The following PIEZO2 variants were observed in gnomAD, a reference collection of about 807,000 sequenced individuals.
PIEZO2 encodes the protein piezo-type mechanosensitive ion channel component 2.
PIEZO2 carries 172 observed loss-of-function variants against 337.3 expected under a neutral mutation model. The observed-to-expected ratio is 0.51, with a 90% CI of 0.45 to 0.58. The LOEUF (loss-of-function observed/expected upper bound fraction) is 0.58, where lower values mean the gene tolerates loss of function less well. Ranked by LOEUF, PIEZO2 falls within the 20% of genes least tolerant of loss-of-function variation. The probability of loss-of-function intolerance (pLI) is 0.00; values close to 1 mark genes in which losing one functional copy is unlikely to be tolerated. For synonymous variants in PIEZO2, 1,251 were observed against 1,228.5 expected (o/e 1.02, Z -0.38); for missense variants, 3,028 against 3,391.3 (o/e 0.89, Z 2.66).
Position 11,048,114 on chromosome 18 carries a change from C to A in PIEZO2, c.160+18013G>T, listed in dbSNP as rs902325981. On this transcript the variant is annotated intron_variant, in intron 2 of 55. Transcript: ENST00000674853. This position sits in a 1 kb window ranked among gnomAD's most constrained non-coding sequence, Gnocchi z 4.5. ...CCACTGCCACCAACAGCATGTGACACCTCTTCAAGCCTGAAAGCCCCTGCT... is the reference window on the plus strand; with the variant it reads ...CCACTGCCACCAACAGCATGTGACAACTCTTCAAGCCTGAAAGCCCCTGCT... Among the ~76,000 whole-genome samples, 1 of 152,212 alleles carries A rather than the reference C, an allele frequency of 6.6e-6. No individual in the cohort carries two copies. Among genetic ancestry groups the A allele is most frequent in the Admixed American group, 6.5e-5 (1 of 15,286 alleles).
At chr18:10,722,231 CTT>C (rs546174129) in intron 36 of PIEZO2, among the ~76,000 whole-genome samples, 2 of 140,948 alleles carry the variant, frequency 1.4e-5, no homozygotes, top group African/African-American at 2.6e-5. Flanking sequence ...GGAGGAGAGA[CTT>C]TTTTTTTTTT....
At chr18:11,100,167 T>C (rs1307258889) in intron 1 of PIEZO2, among the ~76,000 whole-genome samples, 16 of 152,362 alleles carry the variant, frequency 1.1e-4, no homozygotes, top group Non-Finnish European at 7.3e-5. Flanking sequence ...TGCAATGCTC[T>C]GTAGGGTAGA....
intron 43 of PIEZO2, among the ~76,000 whole-genome samples, chr18:10,699,551 C>T (rs532942488): frequency 3.3e-5 from 5 of 152,146 alleles, no homozygotes; most frequent in South Asian, 2.1e-4. Flanking sequence ...CCTCCCCAGC[C>T]GTGTGGAACT....
chr18:11,110,576 C>T lies in PIEZO2; in HGVS notation c.64+37949G>A, dbSNP rs961109970. ...CGGGGGAGTGGGAGCTGCCACATAA[C>T]GGTTCCTTCAGAGGTGGACGGTGGT... is the stretch of plus-strand genomic sequence containing the variant. On this transcript the variant is annotated intron_variant, in intron 1 of 55. Transcript: ENST00000674853. The surrounding 1 kb of genome is among the most constrained non-coding windows in gnomAD (Gnocchi z 4.2). 6.6e-5 allele frequency among the ~76,000 whole-genome samples: 10 copies of T among 152,186 alleles called. No homozygotes were observed. The highest frequency in any genetic ancestry group is 1.3e-4 in the Non-Finnish European group (9 of 68,028).
intron 7 of PIEZO2, among the ~76,000 whole-genome samples, chr18:10,809,202 C>A (rs1393471246): frequency 7.0e-6 from 1 of 142,972 alleles, no homozygotes; most frequent in Non-Finnish European, 1.5e-5. Flanking sequence ...CCTACAGGAA[C>A]GTTTTTTAAT....
intron 3 of PIEZO2, among the ~76,000 whole-genome samples, chr18:10,936,680 G>C (rs985837475): frequency 3.3e-5 from 5 of 152,212 alleles, no homozygotes; most frequent in Admixed American, 1.3e-4. Context: ...GAAGGAAACA[G>C]TCAGATGTCA....
intron 2 of PIEZO2, among the ~76,000 whole-genome samples, chr18:10,983,794 C>A (rs2034763761): frequency 6.6e-6 from 1 of 152,152 alleles, no homozygotes; most frequent in Non-Finnish European, 1.5e-5. Flanking sequence ...AGATAGCACA[C>A]AGATCTCAAC....
Position 10,713,518 on chromosome 18 carries a change from C to T in PIEZO2, c.5423+1246G>A, listed in dbSNP as rs554105970. Reference sequence around the variant, plus strand: ...ATACTTTTCCAGGTCATTAGTGCCTCGCTCTAAAGTGTGACTCTAAAGCCA... The same window carrying T: ...ATACTTTTCCAGGTCATTAGTGCCTTGCTCTAAAGTGTGACTCTAAAGCCA... On this transcript the variant is annotated intron_variant, in intron 39 of 55. Transcript: ENST00000674853. This position sits in a 1 kb window ranked among gnomAD's most constrained non-coding sequence, Gnocchi z 4.5. 9.0e-4 allele frequency among the ~76,000 whole-genome samples: 137 copies of T among 152,238 alleles called. 1 individual carries two copies. The Middle Eastern group carries it at 0.01, about 11-fold the overall frequency.
At chr18:11,041,678 C>T (rs1399370652) in intron 2 of PIEZO2, among the ~76,000 whole-genome samples, 1 of 152,062 alleles carries the variant, frequency 6.6e-6, no homozygotes, top group Non-Finnish European at 1.5e-5. Context: ...TATGGTTCTT[C>T]TTAATGTAAA....
At chr18:10,715,017 A>T in intron 38 of PIEZO2, 87 bp from the exon 39 acceptor site, 1 of 1,295,442 alleles carries the variant, frequency 7.7e-7, no homozygotes, top group Non-Finnish European at 1.1e-6. Context: ...ACAGCTTTTC[A>T]TACCCATGCA....
rs1233951213 is a variant in PIEZO2, at chr18:11,021,105, G to A, written c.161-41445C>T. Among the ~76,000 whole-genome samples the A allele has an allele frequency of 1.3e-5, 2 of 152,108 alleles. No individual in the cohort carries two copies. Among genetic ancestry groups the A allele is most frequent in the Non-Finnish European group, 2.9e-5 (2 of 68,038 alleles). On this transcript the variant is annotated intron_variant, in intron 2 of 55. Coordinates refer to ENST00000674853, the MANE Select transcript of PIEZO2 (RefSeq NM_001378183.1). This position sits in a 1 kb window ranked among gnomAD's most constrained non-coding sequence, Gnocchi z 4.7. ...TAGGAAGACGGATGCAAACTCCAGGGGCCTCACAGGCCTGGACTATGATTC... is the reference window on the plus strand; with the variant it reads ...TAGGAAGACGGATGCAAACTCCAGGAGCCTCACAGGCCTGGACTATGATTC...
chr18:10,922,464 G>A (rs1172405249), intron 3 of PIEZO2, among the ~76,000 whole-genome samples: 1 of 152,134 alleles, frequency 6.6e-6, no homozygotes, highest in Non-Finnish European at 1.5e-5. Context: ...TGGCCCTTTA[G>A]TGCAAGACCC....
chr18:10,798,268 G>A (rs1209554322), intron 11 of PIEZO2, among the ~76,000 whole-genome samples: 6 of 152,250 alleles, frequency 3.9e-5, no homozygotes, highest in Admixed American at 3.9e-4. Context: ...TAAGTAGACT[G>A]CCCTTTCTGC....
At chr18:11,018,925 C>G (rs2036217437) in intron 2 of PIEZO2, among the ~76,000 whole-genome samples, 1 of 152,118 alleles carries the variant, frequency 6.6e-6, no homozygotes, top group Non-Finnish European at 1.5e-5. Flanking sequence ...TTTTTCTCCA[C>G]TTTAGTAAAT....
chr18:10,942,483 G>GC lies in PIEZO2; in HGVS notation c.287-31256dup, dbSNP rs1372744458. Among the ~76,000 whole-genome samples, 1 of 152,120 alleles carries GC rather than the reference G, an allele frequency of 6.6e-6. No homozygotes were observed. The highest frequency in any genetic ancestry group is 1.5e-5 in the Non-Finnish European group (1 of 68,024). ...TTAGCAAAGCGACTGGCAGCATTCTGCCCCTGCCCTAGAGATTTGTGGAAC... is the reference window on the plus strand; with the variant it reads ...TTAGCAAAGCGACTGGCAGCATTCTGCCCCCTGCCCTAGAGATTTGTGGAAC... On this transcript the variant is annotated intron_variant, in intron 3 of 55. Transcript: ENST00000674853. This position sits in a 1 kb window ranked among gnomAD's most constrained non-coding sequence, Gnocchi z 4.4.
At chr18:10,963,310 T>C (rs559544724) in intron 3 of PIEZO2, among the ~76,000 whole-genome samples, 1 of 152,030 alleles carries the variant, frequency 6.6e-6, no homozygotes, top group African/African-American at 2.4e-5. Flanking sequence ...GAAATATTCT[T>C]AGAAAGAATC....
Position 10,946,719 on chromosome 18 carries a change from A to G in PIEZO2, c.286+32816T>C, listed in dbSNP as rs1341235877. 4.6e-5 allele frequency among the ~76,000 whole-genome samples: 7 copies of G among 152,180 alleles called. No individual in the cohort carries two copies. In the East Asian group the frequency reaches 1.3e-3, roughly 29 times the overall value. ...TATACTCACTTGGCCCTCATACTGA[A>G]CCTCAATAGGGGAACTACTTGGTTT... On this transcript the variant is annotated intron_variant, in intron 3 of 55. Coordinates refer to ENST00000674853, the MANE Select transcript of PIEZO2 (RefSeq NM_001378183.1).
intron 2 of PIEZO2, among the ~76,000 whole-genome samples, chr18:11,058,549 A>G (rs907549031): frequency 1.3e-5 from 2 of 152,220 alleles, no homozygotes; most frequent in African/African-American, 4.8e-5. Context: ...CGAAAGGCTA[A>G]CTAGAATAAC....
rs1257000100 is a variant in PIEZO2 at position 10,750,720 on chromosome 18, A to AT, written c.4168-534dup. 6.6e-6 allele frequency among the ~76,000 whole-genome samples: 1 copy of AT among 152,182 alleles called. No individual in the cohort carries two copies. Among genetic ancestry groups the AT allele is most frequent in the Non-Finnish European group, 1.5e-5 (1 of 68,032 alleles). ...GCAGGTGGTTGTCTCATAACAATGA[A>AT]TTTTTTGTTATAGTTAAGTTTAAAT... is the stretch of plus-strand genomic sequence containing the variant. On this transcript the variant is annotated intron_variant, in intron 28 of 55. Coordinates refer to ENST00000674853, the MANE Select transcript of PIEZO2 (RefSeq NM_001378183.1). This position sits in a 1 kb window ranked among gnomAD's most constrained non-coding sequence, Gnocchi z 4.1.
Sources: allele counts gnomAD v4.1 joint callset (sites outside exome capture counted in the v4.1 genomes callset), GRCh38; gene constraint gnomAD v4.1.1; non-coding constraint Gnocchi (gnomAD v3.1); transcripts MANE v1.5; gene names NCBI Gene and HGNC (gene_info 2026-07-23, HGNC 2026-07-21).